Variants in JAK1 observed in about 807,000 individuals in gnomAD.
JAK1 encodes tyrosine-protein kinase JAK1.
JAK1 carries 16 observed loss-of-function variants against 136.6 expected under a neutral mutation model. The ratio of observed to expected loss-of-function variants is 0.12; its 90% CI spans 0.08 to 0.18. The LOEUF (loss-of-function observed/expected upper bound fraction) is 0.18. JAK1 is among the 10% of genes least tolerant of loss of function. The pLI, the probability that JAK1 is intolerant of heterozygous loss-of-function variation, is 1.00. For missense variants in JAK1, 859 were observed against 1,450.1 expected (o/e 0.59, Z 6.62); for synonymous variants, 492 against 519.5 (o/e 0.95, Z 0.72).
intron 3 of JAK1, among the ~76,000 whole-genome samples, chr1:64,880,099 T>G (rs145487715): frequency 0.012 from 1,804 of 152,324 alleles, 21 homozygotes; most frequent in Non-Finnish European, 0.018. Context: ...GCAGTGAGAC[T>G]GACACTGACA....
At chr1:64,959,236 A>G (rs1035018089) in intron 1 of JAK1, among the ~76,000 whole-genome samples, 2 of 152,240 alleles carry the variant, frequency 1.3e-5, no homozygotes, top group African/African-American at 4.8e-5. Context: ...TACATCACCA[A>G]GAAGGAAATA....
chr1:64,880,920 G>A (rs1395161417), intron 3 of JAK1, among the ~76,000 whole-genome samples: 3 of 151,944 alleles, frequency 2.0e-5, no homozygotes, highest in Non-Finnish European at 4.4e-5. Flanking sequence ...GCACTCCTAG[G>A]TGACAGAGAA....
intron 5 of JAK1, 141 bp from the exon 6 acceptor site, chr1:64,869,615 C>A (rs183700628): frequency 2.7e-5 from 18 of 658,084 alleles, no homozygotes; most frequent in African/African-American, 2.7e-4. Context: ...CATCAGAGCT[C>A]TTTTAAACAG....
chr1:64,977,156 T>TGTTTGTTG (rs1646503635), intron 2 of JAK1, among the ~76,000 whole-genome samples: 1 of 149,146 alleles, frequency 6.7e-6, no homozygotes, highest in Non-Finnish European at 1.5e-5. Flanking sequence ...TTTGTTTGTT[T>TGTTTGTTG]GTTTGTTTGT....
At chr1:64,878,076 G>A (rs1644702072) in intron 4 of JAK1, among the ~76,000 whole-genome samples, 2 of 152,110 alleles carry the variant, frequency 1.3e-5, no homozygotes, top group Non-Finnish European at 1.5e-5. Context: ...TGAAGTCTCC[G>A]AGATTTCAGA....
chr1:65,003,718 G>A (rs1306429622), intron 2 of JAK1: 1 of 147,974 alleles, frequency 6.8e-6, no homozygotes, highest in African/African-American at 2.6e-5. Context: ...TGAGATGGGT[G>A]CGTTTTCCCC....
intron 1 of JAK1, among the ~76,000 whole-genome samples, chr1:64,919,844 C>T (rs370311937): frequency 3.2e-4 from 49 of 152,070 alleles, no homozygotes; most frequent in African/African-American, 1.1e-3. Context: ...GGTCCTAAGT[C>T]AAATGGGGTG....
chr1:64,933,009 C>T (rs372785227), intron 1 of JAK1, among the ~76,000 whole-genome samples: 6 of 151,978 alleles, frequency 3.9e-5, no homozygotes, highest in African/African-American at 1.2e-4. Context: ...ACAGAACCTC[C>T]GAGAAATCTC....
chr1:64,871,835 G>A (rs144534263), intron 5 of JAK1, among the ~76,000 whole-genome samples: 4 of 152,164 alleles, frequency 2.6e-5, no homozygotes, highest in Non-Finnish European at 5.9e-5. Flanking sequence ...TGTATGTTTC[G>A]AGTGTACTCT....
chr1:65,059,261 T>C (rs1028370176), intron 1 of JAK1, among the ~76,000 whole-genome samples: 5 of 152,174 alleles, frequency 3.3e-5, no homozygotes, highest in Admixed American at 3.3e-4. Context: ...TTCTCTACCC[T>C]ACCCTAGCTG....
intron 1 of JAK1, among the ~76,000 whole-genome samples, chr1:64,905,191 T>C (rs2100223444): frequency 6.6e-6 from 1 of 152,262 alleles, no homozygotes; most frequent in Middle Eastern, 3.4e-3. Flanking sequence ...TACAGGGTCT[T>C]CCCAGAACAG....
chr1:64,862,152 T>C (rs1315968450), intron 8 of JAK1, among the ~76,000 whole-genome samples: 12 of 152,174 alleles, frequency 7.9e-5, no homozygotes, highest in Non-Finnish European at 1.6e-4. Flanking sequence ...GATTCTAAAC[T>C]GGCAGCATGG....
chr1:64,924,382 G>A (rs1570783611), intron 1 of JAK1, among the ~76,000 whole-genome samples: 1 of 152,272 alleles, frequency 6.6e-6, no homozygotes, highest in East Asian at 1.9e-4. Flanking sequence ...TGAAAGTCAT[G>A]CAGGCTATAG....
At chr1:64,974,624 A>T (rs1646481875) in intron 2 of JAK1, 1 of 152,238 alleles carries the variant, frequency 6.6e-6, no homozygotes, top group Non-Finnish European at 1.5e-5. Flanking sequence ...GCCAGGCAAG[A>T]GATGTATTGA....
intron 1 of JAK1, among the ~76,000 whole-genome samples, chr1:65,060,802 T>C (rs1428193108): frequency 6.6e-6 from 1 of 152,200 alleles, no homozygotes; most frequent in East Asian, 1.9e-4. Flanking sequence ...AAAATGTTTA[T>C]AAACGTGCAT....
intron 1 of JAK1, among the ~76,000 whole-genome samples, chr1:64,928,778 C>CAAAAAAAAAAAAAAAAAACAAAAAAA (rs1645628188): frequency 1.6e-5 from 1 of 61,126 alleles, no homozygotes; most frequent in Non-Finnish European, 3.1e-5. Context: ...TAAAACTCTG[C>CAAAAAAAAAAAAAAAAAACAAAAAAA]AAAAAAAAAA....
chr1:65,055,172 C>T (rs1289811578), intron 1 of JAK1, among the ~76,000 whole-genome samples: 1 of 152,206 alleles, frequency 6.6e-6, no homozygotes, highest in Non-Finnish European at 1.5e-5. Flanking sequence ...CCCCCCTCTC[C>T]CCCAGCTCCT....
intron 1 of JAK1, among the ~76,000 whole-genome samples, chr1:64,914,732 T>A (rs986198321): frequency 1.6e-4 from 24 of 152,234 alleles, no homozygotes; most frequent in African/African-American, 5.8e-4. Context: ...CCCGGCTAAT[T>A]TTTGTATTTT....
At chr1:64,868,504 C>T (rs1465000637) in intron 6 of JAK1, among the ~76,000 whole-genome samples, 1 of 152,048 alleles carries the variant, frequency 6.6e-6, no homozygotes, top group African/African-American at 2.4e-5. Flanking sequence ...AGAGGAAGTA[C>T]CCAAAGTGAA....
Sources: gnomAD v4.1 joint callset for allele counts (sites outside exome capture counted in the v4.1 genomes callset) on GRCh38, gnomAD v4.1.1 for gene constraint, MANE v1.5 for transcripts, NCBI Gene and HGNC (gene_info 2026-07-23, HGNC 2026-07-21) for gene names.